The following HMCN1 variants were observed in gnomAD, a reference collection of about 807,000 sequenced individuals.
The protein encoded by HMCN1 is hemicentin-1.
Under a neutral mutation model 625.9 loss-of-function variants are expected in HMCN1, and 321 were observed. That is an observed-to-expected ratio of 0.51 (90% confidence interval 0.47 to 0.56). HMCN1 has a LOEUF of 0.56. HMCN1 is among the 20% of genes least tolerant of loss of function. HMCN1 has a pLI of 0.00. For synonymous variants in HMCN1, 2,425 were observed against 2,417.6 expected, an observed-to-expected ratio of 1.00 and a Z score of -0.09; for missense variants, 6,588 against 6,887.3, an observed-to-expected ratio of 0.96 and a Z score of 1.54.
At chr1:186,167,052 T>A in intron 100 of HMCN1, 110 bp downstream of exon 100, 1 of 1,356,636 alleles carries the variant, frequency 7.4e-7, no homozygotes, top group South Asian at 1.2e-5. Flanking sequence ...AGGGACCACA[T>A]AAAAGGGAGA....
chr1:185,933,474 A>G (rs1667653607), intron 10 of HMCN1, 75 bp from the exon 11 acceptor site: 3 of 1,434,544 alleles, frequency 2.1e-6, no homozygotes, highest in Non-Finnish European at 2.9e-6. Flanking sequence ...ATACTTATTC[A>G]GTTTTTAAAC....
Position 186,129,950 on chromosome 1 carries a change from T to G in HMCN1, c.12905-16T>G. On this transcript the variant is annotated splice_polypyrimidine_tract_variant and intron_variant, in intron 83 of 106. Transcript: ENST00000271588. ...GGTTACTGAGAGGCACTTGTGTTGT[T>G]TCTTGTTTCCCTCAGCCCACTTTGA... 6.2e-7 allele frequency: 1 copy of G among 1,611,912 alleles called. No individual in the cohort carries two copies. Among genetic ancestry groups the G allele is most frequent in the Non-Finnish European group, 8.5e-7 (1 of 1,178,908 alleles).
chr1:185,779,085 T>A (rs1370849948), intron 1 of HMCN1, among the ~76,000 whole-genome samples: 1 of 152,260 alleles, frequency 6.6e-6, no homozygotes. Context: ...TTTGCATTTC[T>A]CTGATGGCCA....
intron 53 of HMCN1, 136 bp downstream of exon 53, chr1:186,075,027 G>A (rs1019863962): frequency 6.0e-5 from 43 of 716,832 alleles, no homozygotes; most frequent in Non-Finnish European, 9.1e-5. Context: ...ATTTAGACTC[G>A]AGAATTAAAG....
Position 185,965,817 on chromosome 1 carries a change from TG to T in HMCN1, c.2116del (p.Val706Ter). The T allele has an allele frequency of 6.2e-7, 1 of 1,608,320 alleles. No individual in the cohort carries two copies. Among genetic ancestry groups the T allele is most frequent in the Non-Finnish European group, 8.5e-7 (1 of 1,174,854 alleles). ...TLRYIEAPKL[M>X]VVQSELLVAL... is the part of the protein sequence containing the mutation. Reference sequence around the variant, plus strand: ...TTTTTTTCAGAAGCCCCTAAGTTGATGGTAGTTCAGAGTGAGCTCTTGGTTG... The same window carrying T: ...TTTTTTTCAGAAGCCCCTAAGTTGATGTAGTTCAGAGTGAGCTCTTGGTTG... On this transcript the variant is annotated frameshift_variant, in exon 14 of 107. Coordinates refer to ENST00000271588, the MANE Select transcript of HMCN1 (RefSeq NM_031935.3). LOFTEE classifies it high-confidence loss of function.
At chr1:185,929,664 A>T (rs761590070) in intron 10 of HMCN1, among the ~76,000 whole-genome samples, 1 of 152,192 alleles carries the variant, frequency 6.6e-6, no homozygotes, top group Non-Finnish European at 1.5e-5. Context: ...GCTTATAATT[A>T]TAGGTATATC....
intron 2 of HMCN1, among the ~76,000 whole-genome samples, chr1:185,857,301 GTCAA>G (rs781028685): frequency 1.3e-5 from 2 of 152,120 alleles, no homozygotes; most frequent in African/African-American, 4.8e-5. Context: ...AAGATAAAAT[GTCAA>G]TCAAAATATT....
chr1:186,093,626 C>G lies in HMCN1; in HGVS notation c.10153C>G (p.Leu3385Val), dbSNP rs770934506. The G allele has an allele frequency of 2.0e-5, 32 of 1,613,320 alleles. No individual in the cohort carries two copies. In the Admixed American group the frequency reaches 2.3e-4, roughly 12 times the overall value. Residue 3385 changes from leucine to valine, a missense_variant, in exon 66 of 107, where the codon CTC becomes GTC. By Grantham distance (32) the Leu-to-Val change is conservative. This residue lies in a region of HMCN1 where 4,628 missense variants were observed against 4,853.1 expected (regional missense o/e 0.95). Coordinates refer to ENST00000271588, the MANE Select transcript of HMCN1 (RefSeq NM_031935.3). ...GCTGAAGAATGGACTTCCTCTGCCT[C>G]TCTCCTCCCATATCCGGTTACTGGC... ...NWLKNGLPLP[L>V]SSHIRLLAAG...
intron 1 of HMCN1, among the ~76,000 whole-genome samples, chr1:185,822,355 A>T (rs1013838576): frequency 2.0e-5 from 3 of 152,034 alleles, no homozygotes; most frequent in South Asian, 2.1e-4. Context: ...TTTGTTCTGA[A>T]CCTAAAACTT....
At chr1:186,108,167 C>T (rs1032567560) in intron 70 of HMCN1, among the ~76,000 whole-genome samples, 4 of 151,550 alleles carry the variant, frequency 2.6e-5, no homozygotes, top group Non-Finnish European at 4.4e-5. Flanking sequence ...ACCCGGACAA[C>T]GGCTCCCTTC....
intron 34 of HMCN1, 94 bp from the exon 35 acceptor site, chr1:186,019,447 C>A: frequency 7.8e-6 from 6 of 768,316 alleles, no homozygotes; most frequent in Admixed American, 2.3e-5. Context: ...TTTTTTTTTT[C>A]TAAATTTTAA....
At chr1:185,912,386 C>T (rs1018550530) in intron 6 of HMCN1, among the ~76,000 whole-genome samples, 4 of 152,076 alleles carry the variant, frequency 2.6e-5, no homozygotes, top group African/African-American at 2.4e-5. Context: ...TTTAGCACAA[C>T]GTGGTATTTA....
intron 49 of HMCN1, 24 bp from the exon 50 acceptor site, chr1:186,067,810 T>C: frequency 6.4e-7 from 1 of 1,556,850 alleles, no homozygotes; most frequent in Middle Eastern, 1.7e-4. Context: ...ATATATTTCT[T>C]CAACAAATTT....
intron 11 of HMCN1, among the ~76,000 whole-genome samples, chr1:185,938,463 G>T (rs1339875913): frequency 1.3e-5 from 2 of 151,832 alleles, no homozygotes; most frequent in Non-Finnish European, 2.9e-5. Flanking sequence ...TGCTTTTAGG[G>T]TCTGAATACT....
intron 36 of HMCN1, among the ~76,000 whole-genome samples, chr1:186,032,469 G>A (rs967511877): frequency 6.6e-6 from 1 of 152,064 alleles, no homozygotes; most frequent in Non-Finnish European, 1.5e-5. Flanking sequence ...GGAGGGACCC[G>A]ATGGGAGGTA....
intron 4 of HMCN1, among the ~76,000 whole-genome samples, chr1:185,898,518 C>T (rs942171598): frequency 2.6e-5 from 4 of 152,120 alleles, no homozygotes; most frequent in Non-Finnish European, 5.9e-5. Flanking sequence ...GTACCACCTA[C>T]ATCAAGGGAG....
At chr1:185,854,330 T>C (rs1321572500) in intron 2 of HMCN1, among the ~76,000 whole-genome samples, 1 of 152,186 alleles carries the variant, frequency 6.6e-6, no homozygotes, top group Non-Finnish European at 1.5e-5. Flanking sequence ...GGAGTCCTAG[T>C]ATTGGAATTG....
intron 1 of HMCN1, among the ~76,000 whole-genome samples, chr1:185,832,294 A>C (rs1450481188): frequency 6.6e-6 from 1 of 152,170 alleles, no homozygotes; most frequent in Non-Finnish European, 1.5e-5. Flanking sequence ...ACTCTCTCAA[A>C]AAAACAAAAA....
intron 1 of HMCN1, among the ~76,000 whole-genome samples, chr1:185,778,453 C>T (rs907008412): frequency 1.7e-4 from 25 of 150,414 alleles, no homozygotes; most frequent in Admixed American, 2.7e-4. Context: ...CCCATTAACT[C>T]GTCATTTACA....
Sources: gnomAD v4.1 joint callset for allele counts (sites outside exome capture counted in the v4.1 genomes callset) on GRCh38, gnomAD v4.1.1 for gene constraint, gnomAD v4.1.1 regional missense constraint, MANE v1.5 for transcripts, NCBI Gene and HGNC (gene_info 2026-07-23, HGNC 2026-07-21) for gene names.